The following ACACA variants were observed in gnomAD, a reference collection of about 807,000 sequenced individuals.
ACACA encodes acetyl-CoA carboxylase 1.
In ACACA, 103 loss-of-function variants were observed where a neutral mutation model predicts 296.1. That is an observed-to-expected ratio of 0.35 (90% CI 0.30 to 0.41). The LOEUF is 0.41. Among genes scored for constraint, ACACA ranks in the 10% least tolerant of loss-of-function variants. The pLI is 1.00. For synonymous variants in ACACA, 953 were observed against 1,038.6 expected (o/e 0.92, Z 1.58); for missense variants, 1,554 against 2,989.7 (o/e 0.52, Z 11.20).
At chr17:37,137,590 T>G (rs184322355) in intron 45 of ACACA, among the ~76,000 whole-genome samples, 1 of 152,300 alleles carries the variant, frequency 6.6e-6, no homozygotes, top group Admixed American at 6.5e-5. Flanking sequence ...CTCAACCGAT[T>G]AGTATGTTCA....
intron 54 of ACACA, among the ~76,000 whole-genome samples, chr17:37,093,736 G>A (rs532417222): frequency 2.0e-4 from 31 of 152,214 alleles, no homozygotes; most frequent in Admixed American, 1.6e-3. Flanking sequence ...GGCCTCAAGC[G>A]ATCCTCCCAC....
At chr17:37,341,859 C>T (rs1410469332) in intron 1 of ACACA, among the ~76,000 whole-genome samples, 3 of 152,014 alleles carry the variant, frequency 2.0e-5, no homozygotes, top group Non-Finnish European at 2.9e-5. Flanking sequence ...CTTTTCTTGA[C>T]AAAAATGTAC....
At chr17:37,100,360 C>T (rs1226779100) in intron 52 of ACACA, among the ~76,000 whole-genome samples, 1 of 151,972 alleles carries the variant, frequency 6.6e-6, no homozygotes, top group Non-Finnish European at 1.5e-5. Context: ...AAATTATCAC[C>T]AAGAGGACAG....
intron 42 of ACACA, among the ~76,000 whole-genome samples, chr17:37,157,087 A>G (rs1156434672): frequency 1.3e-5 from 2 of 152,270 alleles, no homozygotes; most frequent in African/African-American, 4.8e-5. Flanking sequence ...AGTAAAATGT[A>G]TAATGTAAAT....
At chr17:37,267,010 T>G (rs767232777) in intron 10 of ACACA, among the ~76,000 whole-genome samples, 1 of 152,196 alleles carries the variant, frequency 6.6e-6, no homozygotes, top group Non-Finnish European at 1.5e-5. Flanking sequence ...AGCCTACACC[T>G]ATGAGCCAGT....
chr17:37,375,903 G>A (rs1264720616), intron 1 of ACACA: 1 of 518,024 alleles, frequency 1.9e-6, no homozygotes, highest in African/African-American at 1.9e-5. Context: ...AGCAGAATTA[G>A]CCCTTTCTCC....
intron 12 of ACACA, 74 bp downstream of exon 12, chr17:37,259,284 TCA>T: frequency 6.5e-7 from 1 of 1,537,628 alleles, no homozygotes; most frequent in Non-Finnish European, 9.0e-7. Flanking sequence ...TTTTCTCTTA[TCA>T]CACACTGGTT....
intron 45 of ACACA, among the ~76,000 whole-genome samples, chr17:37,149,221 A>G (rs1423197945): frequency 6.6e-6 from 1 of 152,194 alleles, no homozygotes; most frequent in Non-Finnish European, 1.5e-5. Flanking sequence ...ATCTTTATGC[A>G]TACTCTTTCC....
chr17:37,156,833 T>C (rs1232577196), intron 42 of ACACA, among the ~76,000 whole-genome samples: 2 of 152,200 alleles, frequency 1.3e-5, no homozygotes, highest in African/African-American at 4.8e-5. Context: ...TAAATGTATG[T>C]CCCACAGTGA....
In ACACA at chr17:37,252,119, G is replaced by GA; in HGVS notation, c.1978-12dup. 1 of 1,611,828 alleles carries GA rather than the reference G, an allele frequency of 6.2e-7. No homozygotes were observed. Among genetic ancestry groups the GA allele is most frequent in the Non-Finnish European group, 8.5e-7 (1 of 1,177,888 alleles). On this transcript the variant is annotated splice_polypyrimidine_tract_variant and intron_variant, in intron 15 of 55. Transcript: ENST00000616317. ...GTCAGGTCGCTCAGCCTGAAAGGAG[G>GA]AAAAAGAGGGCAGATCAAATGCATG...
At chr17:37,263,967 T>TAAAAGA in intron 10 of ACACA, 73 bp from the exon 11 acceptor site, 1 of 1,273,480 alleles carries the variant, frequency 7.9e-7, no homozygotes, top group Middle Eastern at 1.9e-4. Context: ...GATAAGCTAC[T>TAAAAGA]TTGATTTCAA....
At chr17:37,401,501 C>T (rs1374123184) in intron 1 of ACACA, among the ~76,000 whole-genome samples, 1 of 151,264 alleles carries the variant, frequency 6.6e-6, no homozygotes, top group Non-Finnish European at 1.5e-5. Flanking sequence ...AGGCCCTTGT[C>T]CACTTATCTG....
intron 30 of ACACA, among the ~76,000 whole-genome samples, chr17:37,208,734 G>A (rs2078620174): frequency 6.6e-6 from 1 of 152,212 alleles, no homozygotes. Context: ...AAATAATACT[G>A]TAAAGTGTTT....
At chr17:37,389,314 C>A in intron 1 of ACACA, 1 of 1,597,716 alleles carries the variant, frequency 6.3e-7, no homozygotes, top group Non-Finnish European at 8.5e-7. Flanking sequence ...AGAAGGGAGG[C>A]CAGCCACCTG....
chr17:37,391,678 C>T, intron 1 of ACACA: 1 of 1,613,894 alleles, frequency 6.2e-7, no homozygotes, highest in Non-Finnish European at 8.5e-7. Flanking sequence ...TCATCAAACC[C>T]AAAGAAAGCT....
intron 1 of ACACA, among the ~76,000 whole-genome samples, chr17:37,342,530 A>G (rs2147356218): frequency 6.8e-6 from 1 of 147,502 alleles, no homozygotes; most frequent in East Asian, 2.0e-4. Context: ...TATATACACT[A>G]TACATATAAT....
chr17:37,377,847 G>C lies in ACACA; in HGVS notation c.38+28415C>G, dbSNP rs551055529. The C allele has an allele frequency of 1.7e-3, 2,400 of 1,420,876 alleles. 62 individuals are homozygous for C. In the South Asian group the frequency reaches 0.027, roughly 16 times the overall value. The allele number at this position is 1,420,876 out of a possible 1,614,324, so 88.0% of individuals were successfully genotyped here. ...TTCTGATTTTCCCCAAACCTTCCCC[G>C]GTTCCCCTCCTCCCCCTCTGCTCAC... On this transcript the variant is annotated intron_variant, in intron 1 of 55. Coordinates refer to ENST00000616317, the MANE Select transcript of ACACA (RefSeq NM_198834.3).
At chr17:37,297,446 GA>G (rs34538373) in intron 3 of ACACA, among the ~76,000 whole-genome samples, 194 of 116,570 alleles carry the variant, frequency 1.7e-3, no homozygotes, top group East Asian at 6.4e-3. Context: ...TGTCTCGAAA[GA>G]AAAAAAAAAA....
rs934868148 is a variant in ACACA at position 37,391,318 on chromosome 17, G to T, written c.38+14944C>A. 3.3e-5 allele frequency among the ~76,000 whole-genome samples: 5 copies of T among 152,174 alleles called. No homozygotes were observed. In the South Asian group the frequency reaches 1.0e-3, roughly 31 times the overall value. ...ACAGAAATCCTGGAAAGTAGCCAGG[G>T]CAAGTATCTACATTTTACTCATACT... On this transcript the variant is annotated intron_variant, in intron 1 of 55. Transcript: ENST00000616317.
Sources: allele counts gnomAD v4.1 joint callset (sites outside exome capture counted in the v4.1 genomes callset), GRCh38; gene constraint gnomAD v4.1.1; transcripts MANE v1.5; gene names NCBI Gene and HGNC (gene_info 2026-07-23, HGNC 2026-07-21).